The following GALNTL6 variants were observed in gnomAD, a reference collection of about 807,000 sequenced individuals.
The protein encoded by GALNTL6 is polypeptide N-acetylgalactosaminyltransferase-like 6.
In GALNTL6, 46 loss-of-function variants were observed where a neutral mutation model predicts 73.7. The ratio of observed to expected loss-of-function variants is 0.62; its 90% confidence interval spans 0.49 to 0.80. GALNTL6 has a LOEUF of 0.80. Among genes scored for constraint, GALNTL6 ranks in the 30% least tolerant of loss-of-function variants. The pLI is 0.00. For synonymous variants in GALNTL6, 259 were observed against 263.7 expected, an observed-to-expected ratio of 0.98 and a Z score of 0.17; for missense variants, 604 against 755.0, an observed-to-expected ratio of 0.80 and a Z score of 2.34.
chr4:172,743,317 G>A (rs1736906381), intron 5 of GALNTL6, among the ~76,000 whole-genome samples: 1 of 151,996 alleles, frequency 6.6e-6, no homozygotes, highest in Admixed American at 6.6e-5. Context: ...ACTAAAAACT[G>A]GCAACTGCAT....
At chr4:172,866,212 T>C (rs1190436243) in intron 7 of GALNTL6, among the ~76,000 whole-genome samples, 1 of 152,208 alleles carries the variant, frequency 6.6e-6, no homozygotes, top group Non-Finnish European at 1.5e-5. Flanking sequence ...AATAGAAATC[T>C]GATTATGCCA....
chr4:171,919,901 T>C (rs1259347903), intron 2 of GALNTL6, among the ~76,000 whole-genome samples: 1 of 152,052 alleles, frequency 6.6e-6, no homozygotes, highest in East Asian at 1.9e-4. Context: ...GCAATCCCAT[T>C]ACTGGGTGTA....
intron 5 of GALNTL6, among the ~76,000 whole-genome samples, chr4:172,458,389 A>T (rs1732482186): frequency 6.6e-6 from 1 of 151,778 alleles, no homozygotes; most frequent in Admixed American, 6.6e-5. Flanking sequence ...ACTGAAACAG[A>T]TAGAGATATG....
chr4:171,816,353 T>G (rs528661001), intron 2 of GALNTL6: 1 of 151,762 alleles, frequency 6.6e-6, no homozygotes, highest in Admixed American at 6.6e-5. Flanking sequence ...ATTGTTTGTC[T>G]AATAGCAGAA....
rs112022270 is a variant in GALNTL6 at position 171,985,258 on chromosome 4, C to A, written c.138+170540C>A. 9.9e-3 allele frequency among the ~76,000 whole-genome samples: 1,502 copies of A among 152,156 alleles called. 15 individuals are homozygous for A. The highest frequency in any genetic ancestry group is 0.031 in the Middle Eastern group (9 of 294). On this transcript the variant is annotated intron_variant, in intron 2 of 12. Coordinates refer to ENST00000506823, the MANE Select transcript of GALNTL6 (RefSeq NM_001034845.3). Reference sequence around the variant, plus strand: ...TCCACATTTTTCCTCACAATAATGGCAGAAGGTAAAAGACACGTCTCACAT... The same window carrying A: ...TCCACATTTTTCCTCACAATAATGGAAGAAGGTAAAAGACACGTCTCACAT...
intron 2 of GALNTL6, among the ~76,000 whole-genome samples, chr4:171,988,717 G>A (rs962678913): frequency 5.3e-5 from 8 of 152,192 alleles, no homozygotes; most frequent in South Asian, 2.1e-4. Context: ...AGGCCATGCT[G>A]TAACAGGTGA....
intron 2 of GALNTL6, among the ~76,000 whole-genome samples, chr4:171,992,547 A>G (rs1345339450): frequency 6.6e-6 from 1 of 152,110 alleles, no homozygotes; most frequent in African/African-American, 2.4e-5. Flanking sequence ...AGTATCTGAT[A>G]AAACTGATAG....
At chr4:172,579,510 A>G (rs182937886) in intron 5 of GALNTL6, among the ~76,000 whole-genome samples, 60 of 152,320 alleles carry the variant, frequency 3.9e-4, no homozygotes, top group African/African-American at 1.4e-3. Flanking sequence ...GGTCTCGGCT[A>G]GACTCTAGAA....
chr4:172,076,623 T>C (rs1305024713), intron 2 of GALNTL6, among the ~76,000 whole-genome samples: 1 of 152,230 alleles, frequency 6.6e-6, no homozygotes, highest in Non-Finnish European at 1.5e-5. Context: ...GCATGCTTTT[T>C]ATAAACCAGT....
At chr4:172,145,739 T>C (rs1235513899) in intron 2 of GALNTL6, among the ~76,000 whole-genome samples, 3 of 152,210 alleles carry the variant, frequency 2.0e-5, no homozygotes, top group East Asian at 3.8e-4. Context: ...AATCATACTA[T>C]AGGTCAGGAA....
chr4:172,894,943 T>G (rs1407608106), intron 8 of GALNTL6, among the ~76,000 whole-genome samples: 1 of 142,982 alleles, frequency 7.0e-6, no homozygotes, highest in Non-Finnish European at 1.6e-5. Context: ...AATGATCTTG[T>G]TTTTTTTACA....
At chr4:172,448,937 T>C (rs1732117750) in intron 5 of GALNTL6, among the ~76,000 whole-genome samples, 1 of 152,132 alleles carries the variant, frequency 6.6e-6, no homozygotes, top group South Asian at 2.1e-4. Context: ...CTTTCCCTTT[T>C]AATAAGAAAA....
At chr4:172,459,476 G>GC (rs1391893823) in intron 5 of GALNTL6, among the ~76,000 whole-genome samples, 2 of 152,174 alleles carry the variant, frequency 1.3e-5, no homozygotes, top group African/African-American at 4.8e-5. Context: ...CATTGTCTCA[G>GC]CCCAAAATCT....
At position 172,514,668 on chromosome 4, in the gene GALNTL6, C is replaced by T. The variant is rs199699128; in HGVS notation, c.553+165979C>T. ...AAGTTCAGCTGAAAGTTTCCTTCTT[C>T]CTGTAGTCTTTCCCCAGTTCCACTG... On this transcript the variant is annotated intron_variant, in intron 5 of 12. Coordinates refer to ENST00000506823, the MANE Select transcript of GALNTL6 (RefSeq NM_001034845.3). Among the ~76,000 whole-genome samples the T allele has an allele frequency of 8.9e-4, 136 of 152,304 alleles. 3 individuals are homozygous for T. In the South Asian group the frequency reaches 0.018, roughly 20 times the overall value.
chr4:172,995,066 G>C (rs1288623931), intron 10 of GALNTL6, among the ~76,000 whole-genome samples: 1 of 152,152 alleles, frequency 6.6e-6, no homozygotes, highest in Non-Finnish European at 1.5e-5. Context: ...ATGGCCCTTG[G>C]CTTTGAGGAT....
chr4:172,456,375 T>C (rs1384618981), intron 5 of GALNTL6, among the ~76,000 whole-genome samples: 5 of 151,622 alleles, frequency 3.3e-5, no homozygotes, highest in African/African-American at 9.7e-5. Flanking sequence ...AGAAGTAGGC[T>C]TCAGAAGGTG....
At position 172,348,645 on chromosome 4, in the gene GALNTL6, G is replaced by T; in HGVS notation, c.509G>T (p.Ser170Ile). ...AGTATAATTAACCGAACCCCAGGGA[G>T]TCTGATAGCAGAAATCATTCTAGTA... ...IHSIINRTPGSLIAEIILVDD... is the reference protein window; with the variant it reads ...IHSIINRTPGILIAEIILVDD... Residue 170 changes from serine (S) to isoleucine (I), a missense_variant, in exon 5 of 13, where the codon AGT (serine) becomes ATT (isoleucine). Physicochemically the swap from Ser to Ile is moderately radical, Grantham distance 142. Transcript: ENST00000506823. The T allele has an allele frequency of 6.2e-7, 1 of 1,611,624 alleles. No homozygotes were observed. Among genetic ancestry groups the T allele is most frequent in the Non-Finnish European group, 8.5e-7 (1 of 1,178,610 alleles).
chr4:172,180,106 T>G lies in GALNTL6; in HGVS notation c.139-49550T>G, dbSNP rs960958693. 5.3e-5 allele frequency among the ~76,000 whole-genome samples: 8 copies of G among 152,220 alleles called. No individual in the cohort carries two copies. In the South Asian group the frequency reaches 1.4e-3, roughly 28 times the overall value. ...GTTTCTCCACATCCTCTCCAGCATC[T>G]GTTGTTTCCTGACTTTTTAATGATT... On this transcript the variant is annotated intron_variant, in intron 2 of 12. Transcript: ENST00000506823.
intron 4 of GALNTL6, among the ~76,000 whole-genome samples, chr4:172,330,041 G>A (rs1314361866): frequency 6.6e-6 from 1 of 152,234 alleles, no homozygotes; most frequent in African/African-American, 2.4e-5. Context: ...GCTGGCTGGA[G>A]TTCCAAGCCA....
Sources: gnomAD v4.1 joint callset for allele counts (sites outside exome capture counted in the v4.1 genomes callset) on GRCh38, gnomAD v4.1.1 for gene constraint, MANE v1.5 for transcripts, NCBI Gene and HGNC (gene_info 2026-07-23, HGNC 2026-07-21) for gene names.